The following NGLY1 variants were observed in gnomAD, a reference collection of about 807,000 sequenced individuals.
NGLY1 encodes N-glycanase 1.
Under a neutral mutation model 84.6 loss-of-function variants are expected in NGLY1, and 68 were observed. The ratio of observed to expected loss-of-function variants is 0.80; its 90% CI spans 0.66 to 0.98. The LOEUF (loss-of-function observed/expected upper bound fraction) is 0.98, where lower values mean the gene tolerates loss of function less well. NGLY1 is among the 50% of genes least tolerant of loss of function. The pLI is 0.00. For synonymous variants in NGLY1, 280 were observed against 275.2 expected, an observed-to-expected ratio of 1.02 and a Z score of -0.17; for missense variants, 779 against 770.2, an observed-to-expected ratio of 1.01 and a Z score of -0.14.
At chr3:25,726,003 A>G (rs909983123) in intron 10 of NGLY1, among the ~76,000 whole-genome samples, 1 of 152,230 alleles carries the variant, frequency 6.6e-6, no homozygotes, top group South Asian at 2.1e-4. Context: ...GCCAAGCACA[A>G]TATTTGACAA....
chr3:25,758,104 A>C (rs895878993), intron 3 of NGLY1, among the ~76,000 whole-genome samples: 3 of 152,248 alleles, frequency 2.0e-5, no homozygotes, highest in African/African-American at 7.2e-5. Context: ...ACAAAGAGAA[A>C]ATGGCAGGGC....
intron 1 of NGLY1, among the ~76,000 whole-genome samples, chr3:25,780,557 T>C (rs1041576009): frequency 1.3e-4 from 20 of 152,224 alleles, no homozygotes; most frequent in African/African-American, 4.8e-4. Context: ...GCTAATTTTC[T>C]AGTTTCTTCC....
At chr3:25,785,662 C>A (rs1708587299), upstream of NGLY1, among the ~76,000 whole-genome samples, 1 of 106,568 alleles carries the variant, frequency 9.4e-6, no homozygotes, top group African/African-American at 3.2e-5. Flanking sequence ...GGCAAGACCC[C>A]ATCTCTACAA....
chr3:25,778,925 C>CTTTTTTTT lies in NGLY1; in HGVS notation c.132-245_132-238dup, dbSNP rs565447910. 1.5e-4 allele frequency among the ~76,000 whole-genome samples: 8 copies of CTTTTTTTT among 54,692 alleles called. 1 individual carries two copies. Among genetic ancestry groups the CTTTTTTTT allele is most frequent in the African/African-American group, 4.2e-4 (7 of 16,780 alleles). The allele number at this position is 54,692 out of a possible 152,430, so 35.9% of individuals were successfully genotyped here. On this transcript the variant is annotated intron_variant, in intron 1 of 11. Transcript: ENST00000280700. ...GTCTCGCTTCAGTTTAAGATACATT[C>CTTTTTTTT]TTTTTTTTTTTTTTTTTTTTTTTTT...
At position 25,719,501 on chromosome 3, in the gene NGLY1, C is replaced by T; in HGVS notation, c.1924G>A (p.Glu642Lys). ...LFRQSLNDHEENCLEIIIKFS... is the reference protein window; with the variant it reads ...LFRQSLNDHEKNCLEIIIKFS... ...TTTATAATTATCTCCAAACAATTTT[C>T]TTCATGGTCATTTAAGCTTTGTCTA... Residue 642 changes from glutamate (E) to lysine (K), a missense_variant, in exon 12 of 12, where the codon GAA becomes AAA. Transcript: ENST00000280700. The T allele has an allele frequency of 6.2e-7, 1 of 1,613,898 alleles. No individual in the cohort carries two copies. The highest frequency in any genetic ancestry group is 8.5e-7 in the Non-Finnish European group (1 of 1,179,878).
At chr3:25,751,522 C>A (rs555906917) in intron 3 of NGLY1, among the ~76,000 whole-genome samples, 15 of 152,202 alleles carry the variant, frequency 9.9e-5, no homozygotes, top group African/African-American at 3.6e-4. Context: ...ATGCGGAATT[C>A]TTGAATACAA....
At chr3:25,772,515 T>C (rs1707943747) in intron 2 of NGLY1, among the ~76,000 whole-genome samples, 1 of 152,182 alleles carries the variant, frequency 6.6e-6, no homozygotes, top group Non-Finnish European at 1.5e-5. Flanking sequence ...CCCTTTACCT[T>C]AAGTTTATGT....
chr3:25,740,014 T>A (rs1460865477), intron 4 of NGLY1, among the ~76,000 whole-genome samples: 1 of 152,176 alleles, frequency 6.6e-6, no homozygotes, highest in Non-Finnish European at 1.5e-5. Flanking sequence ...AGTAGAACAT[T>A]TACCATTTTA....
chr3:25,753,474 T>A (rs985324336), intron 3 of NGLY1, among the ~76,000 whole-genome samples: 2 of 151,972 alleles, frequency 1.3e-5, no homozygotes, highest in African/African-American at 4.8e-5. Flanking sequence ...GGGAGTAGGA[T>A]CTAAATAAAA....
Position 25,719,549 on chromosome 3 carries a change from C to T in NGLY1, c.1876G>A (p.Ala626Thr), listed in dbSNP as rs757269967. 9.3e-6 allele frequency: 15 copies of T among 1,613,706 alleles called. No individual in the cohort carries two copies. The highest frequency in any genetic ancestry group is 4.5e-5 in the East Asian group (2 of 44,882). ...CTAAACAGCTGGGTGTGTTGCCAAG[C>T]GACATCACCATCTCCTCTGCTTAAT... Reference protein sequence around the residue: ...AELSRGDGDVAWQHTQLFRQS... With the variant: ...AELSRGDGDVTWQHTQLFRQS... Residue 626 changes from alanine to threonine, a missense_variant, in exon 12 of 12, where the codon GCT becomes ACT. Coordinates refer to ENST00000280700, the MANE Select transcript of NGLY1 (RefSeq NM_018297.4).
chr3:25,778,547 G>C (rs1456163626), intron 2 of NGLY1, 27 bp downstream of exon 2: 1 of 1,304,506 alleles, frequency 7.7e-7, no homozygotes, highest in Non-Finnish European at 1.1e-6. Context: ...CATGAAGAGG[G>C]GAGAGGAAAT....
chr3:25,736,295 G>C (rs1342300764), intron 6 of NGLY1, 146 bp from the exon 7 acceptor site: 20 of 1,550,906 alleles, frequency 1.3e-5, no homozygotes, highest in Non-Finnish European at 1.7e-5. Context: ...GTGGCACACA[G>C]GATTTTAGAA....
At chr3:25,743,057 A>T (rs1480851220) in intron 4 of NGLY1, among the ~76,000 whole-genome samples, 1 of 152,272 alleles carries the variant, frequency 6.6e-6, no homozygotes, top group East Asian at 1.9e-4. Context: ...GATGGGACAG[A>T]GAGAGATTTG....
At chr3:25,730,239 T>C (rs1339034554) in intron 9 of NGLY1, 5 of 152,122 alleles carry the variant, frequency 3.3e-5, no homozygotes, top group Admixed American at 2.6e-4. Context: ...ATAGTACCAA[T>C]GTTTCTTCTG....
chr3:25,781,123 A>C (rs1708396046), intron 1 of NGLY1, among the ~76,000 whole-genome samples: 1 of 151,758 alleles, frequency 6.6e-6, no homozygotes, highest in Non-Finnish European at 1.5e-5. Flanking sequence ...CTAATTTTTT[A>C]ATTTTTTTGT....
chr3:25,757,229 C>A (rs1285979959), intron 3 of NGLY1, among the ~76,000 whole-genome samples: 1 of 152,100 alleles, frequency 6.6e-6, no homozygotes, highest in African/African-American at 2.4e-5. Context: ...ACCTGATCAA[C>A]TTCATAGGAG....
intron 8 of NGLY1, 84 bp downstream of exon 8, chr3:25,733,788 G>A: frequency 1.4e-6 from 1 of 721,258 alleles, no homozygotes; most frequent in Non-Finnish European, 2.2e-6. Context: ...ACTACTTTAA[G>A]AATTTCAATA....
Position 25,783,005 on chromosome 3 carries a change from G to C in NGLY1, c.131+255C>G. The C allele has an allele frequency of 2.3e-6, 1 of 431,528 alleles. No homozygotes were observed. Among genetic ancestry groups the C allele is most frequent in the Non-Finnish European group, 4.2e-6 (1 of 240,106 alleles). 26.7% of individuals were successfully genotyped at this position (431,528 alleles called of 1,614,324 possible). A position where few individuals can be genotyped will look rare whatever the true frequency, so the allele number is the denominator to read the frequency against. ...CCGCTTCCGGGACTCCAGTTCACCC[G>C]CAGCACCCTGACTGCAGGTGCCAAG... On this transcript the variant is annotated intron_variant, in intron 1 of 11. Transcript: ENST00000280700. The surrounding 1 kb of genome is among the most constrained non-coding windows in gnomAD (Gnocchi z 4.5).
intron 7 of NGLY1, chr3:25,735,643 T>C (rs1413390294): frequency 6.3e-5 from 10 of 158,790 alleles, no homozygotes; most frequent in Non-Finnish European, 9.7e-5. Context: ...AAAAGTTGTA[T>C]GTATATCTAC....
Sources: allele counts gnomAD v4.1 joint callset (sites outside exome capture counted in the v4.1 genomes callset), GRCh38; gene constraint gnomAD v4.1.1; non-coding constraint Gnocchi (gnomAD v3.1); transcripts MANE v1.5; gene names NCBI Gene and HGNC (gene_info 2026-07-23, HGNC 2026-07-21).